GLIS3: variants seen among roughly 807,000 people sequenced by gnomAD.
GLIS3 encodes zinc finger protein GLIS3.
In GLIS3, 53 loss-of-function variants were observed where a neutral mutation model predicts 78.6. That is an observed-to-expected ratio of 0.67 (90% CI 0.54 to 0.85). The LOEUF (loss-of-function observed/expected upper bound fraction) is 0.85. Ranked by LOEUF, GLIS3 falls within the 40% of genes least tolerant of loss-of-function variation. The pLI, the probability that GLIS3 is intolerant of heterozygous loss-of-function variation, is 0.00. For synonymous variants in GLIS3, 684 were observed against 509.9 expected, an observed-to-expected ratio of 1.34 and a Z score of -4.60; for missense variants, 1,703 against 1,231.1, an observed-to-expected ratio of 1.38 and a Z score of -5.74.
At position 4,156,717 on chromosome 9, in the gene GLIS3, A is replaced by C. The variant is rs576562602; in HGVS notation, c.389-30776T>G. Among the ~76,000 whole-genome samples the C allele has an allele frequency of 2.6e-5, 4 of 152,296 alleles. No individual in the cohort carries two copies. The South Asian group carries it at 8.3e-4, about 32-fold the overall frequency. On this transcript the variant is annotated intron_variant, in intron 2 of 10. Coordinates refer to ENST00000381971, the MANE Select transcript of GLIS3 (RefSeq NM_001042413.2). ...TAGCCCTTTAAGGGTCATTATGCTT[A>C]AGCGTCAGTAAGTTTCATGCCCTTA...
At chr9:3,975,155 C>T (rs1261947606) in intron 4 of GLIS3, 1 of 152,066 alleles carries the variant, frequency 6.6e-6, no homozygotes, top group African/African-American at 2.4e-5. Flanking sequence ...GTAACACAAA[C>T]CTTGGTGAGT....
intron 7 of GLIS3, among the ~76,000 whole-genome samples, chr9:3,891,966 T>C (rs550459445): frequency 5.9e-5 from 9 of 152,110 alleles, no homozygotes; most frequent in South Asian, 2.1e-4. Flanking sequence ...TCGTGAAGAG[T>C]TCCCCTTTCT....
intron 2 of GLIS3, among the ~76,000 whole-genome samples, chr9:4,199,436 T>G (rs115788668): frequency 0.016 from 2,451 of 150,638 alleles, 69 homozygotes; most frequent in African/African-American, 0.056. Flanking sequence ...AACAGACTTT[T>G]ATAACATATC....
rs148760676 is a variant in GLIS3 at position 3,906,983 on chromosome 9, ACCT to A, written c.1984-8151_1984-8149del. Among the ~76,000 whole-genome samples the A allele has an allele frequency of 5.9e-3, 899 of 151,848 alleles. 9 individuals carry two copies. The highest frequency in any genetic ancestry group is 0.02 in the African/African-American group (840 of 41,386). On this transcript the variant is annotated intron_variant, in intron 6 of 10. Coordinates refer to ENST00000381971, the MANE Select transcript of GLIS3 (RefSeq NM_001042413.2). ...TCCTCCAAGATCCTGTTTATGACTC[ACCT>A]CCTGAATGAAACCTCCCCTGACCAG...
chr9:4,217,074 T>G (rs1195180515), intron 2 of GLIS3, among the ~76,000 whole-genome samples: 2 of 152,200 alleles, frequency 1.3e-5, no homozygotes, highest in African/African-American at 2.4e-5. Flanking sequence ...AGTTTGTATT[T>G]GTCAGCCCCT....
the GLIS3 span, among the ~76,000 whole-genome samples, chr9:4,467,784 G>A: frequency 7.2e-5 from 11 of 152,182 alleles, no homozygotes; most frequent in Non-Finnish European, 1.2e-4. Flanking sequence ...GATGGAGAAC[G>A]ACTCTGACGA....
chr9:4,017,669 C>G (rs573516688), intron 4 of GLIS3, among the ~76,000 whole-genome samples: 21 of 152,270 alleles, frequency 1.4e-4, no homozygotes, highest in Admixed American at 5.9e-4. Flanking sequence ...AGAAGAGTCA[C>G]AGACAAAGAT....
At chr9:4,266,301 C>G (rs143005686) in intron 2 of GLIS3, among the ~76,000 whole-genome samples, 1 of 152,156 alleles carries the variant, frequency 6.6e-6, no homozygotes, top group African/African-American at 2.4e-5. Context: ...ATCTTTGCTT[C>G]AAGCTTCCAG....
chr9:4,017,496 G>A (rs548915660), intron 4 of GLIS3, among the ~76,000 whole-genome samples: 1 of 152,290 alleles, frequency 6.6e-6, no homozygotes, highest in South Asian at 2.1e-4. Flanking sequence ...TGTCACATGA[G>A]GGATAGAAAC....
rs147887229 is a variant in GLIS3 at position 4,025,047 on chromosome 9, C to G, written c.1711-87858G>C. 6.0e-3 allele frequency among the ~76,000 whole-genome samples: 905 copies of G among 151,884 alleles called. 14 individuals carry two copies. Among genetic ancestry groups the G allele is most frequent in the East Asian group, 0.035 (178 of 5,120 alleles). ...GCAGATCACCTTGAGGTCAGGAGTT[C>G]GAGACCAGCCTGGTCAAAATGGCGA... On this transcript the variant is annotated intron_variant, in intron 4 of 10. Transcript: ENST00000381971.
intron 4 of GLIS3, among the ~76,000 whole-genome samples, chr9:4,034,089 C>T (rs1021352650): frequency 1.3e-4 from 19 of 151,656 alleles, no homozygotes; most frequent in African/African-American, 3.4e-4. Flanking sequence ...ATTGGCTGGG[C>T]ATGGTGGTGC....
At chr9:3,939,045 G>T (rs187046039) in intron 4 of GLIS3, among the ~76,000 whole-genome samples, 3 of 152,314 alleles carry the variant, frequency 2.0e-5, no homozygotes, top group Middle Eastern at 3.4e-3. Context: ...AAGTGAGCTT[G>T]TGGTTTTAGA....
At chr9:4,006,681 C>T (rs893695218) in intron 4 of GLIS3, among the ~76,000 whole-genome samples, 1 of 152,142 alleles carries the variant, frequency 6.6e-6, no homozygotes, top group Non-Finnish European at 1.5e-5. Flanking sequence ...TAAAGACTTG[C>T]CTAAGTTTAT....
intron 2 of GLIS3, among the ~76,000 whole-genome samples, chr9:4,141,036 G>A (rs755440952): frequency 3.9e-5 from 6 of 152,160 alleles, no homozygotes; most frequent in Non-Finnish European, 8.8e-5. Flanking sequence ...CTCACCTCAG[G>A]TGATCCACCC....
chr9:4,472,805 T>C, the GLIS3 span, among the ~76,000 whole-genome samples: 6 of 152,162 alleles, frequency 3.9e-5, no homozygotes, highest in Non-Finnish European at 8.8e-5. Context: ...ACGTTTTATA[T>C]ATATATAAAA....
chr9:4,231,468 G>C (rs1256851446), intron 2 of GLIS3, among the ~76,000 whole-genome samples: 1 of 152,080 alleles, frequency 6.6e-6, no homozygotes, highest in African/African-American at 2.4e-5. Context: ...AAAAAATTAT[G>C]AAGATACAAT....
chr9:4,020,455 G>C (rs910336272), intron 4 of GLIS3, among the ~76,000 whole-genome samples: 1 of 152,060 alleles, frequency 6.6e-6, no homozygotes, highest in Non-Finnish European at 1.5e-5. Flanking sequence ...CGTTTACATC[G>C]TACCCAAACA....
intron 9 of GLIS3, among the ~76,000 whole-genome samples, chr9:3,839,440 A>C (rs1394751114): frequency 6.6e-6 from 1 of 152,166 alleles, no homozygotes; most frequent in Non-Finnish European, 1.5e-5. Context: ...TGTTATACCA[A>C]CCACTCAGAA....
chr9:4,294,477 C>G (rs148398945), intron 1 of GLIS3, among the ~76,000 whole-genome samples: 294 of 152,070 alleles, frequency 1.9e-3, no homozygotes, highest in African/African-American at 6.9e-3. Context: ...CCATTGCTTT[C>G]CAGCCTGGGC....
Sources: allele counts gnomAD v4.1 joint callset (sites outside exome capture counted in the v4.1 genomes callset), GRCh38; gene constraint gnomAD v4.1.1; transcripts MANE v1.5; gene names NCBI Gene and HGNC (gene_info 2026-07-23, HGNC 2026-07-21).